Variants in PTPN13 observed in about 807,000 individuals in gnomAD.
The protein encoded by PTPN13 is tyrosine-protein phosphatase non-receptor type 13.
A neutral mutation model predicts 284.0 loss-of-function variants in PTPN13; 191 were observed. The ratio of observed to expected loss-of-function variants is 0.67; its 90% confidence interval spans 0.60 to 0.76. The LOEUF (loss-of-function observed/expected upper bound fraction) is 0.76, where lower values mean the gene tolerates loss of function less well. Ranked by LOEUF, PTPN13 falls within the 30% of genes least tolerant of loss-of-function variation. The pLI, the probability that PTPN13 is intolerant of heterozygous loss-of-function variation, is 0.00. For missense variants in PTPN13, 2,797 were observed against 2,939.9 expected (o/e 0.95, Z 1.12); for synonymous variants, 986 against 1,022.3 (o/e 0.96, Z 0.68).
intron 2 of PTPN13, among the ~76,000 whole-genome samples, chr4:86,641,158 C>G (rs1288368283): frequency 6.6e-6 from 1 of 152,060 alleles, no homozygotes; most frequent in Non-Finnish European, 1.5e-5. Flanking sequence ...ACTCTTGTAA[C>G]GAATTGAAAT....
chr4:86,689,904 T>C (rs996785473), intron 5 of PTPN13: 1 of 568,802 alleles, frequency 1.8e-6, no homozygotes, highest in African/African-American at 1.9e-5. Context: ...AGTCCTGGAG[T>C]GTTGGTCCCT....
At position 86,689,169 on chromosome 4, in the gene PTPN13, G is replaced by C; in HGVS notation, c.525G>C (p.Leu175=). 1 of 1,613,124 alleles carries C rather than the reference G, an allele frequency of 6.2e-7. No homozygotes were observed. Among genetic ancestry groups the C allele is most frequent in the Non-Finnish European group, 8.5e-7 (1 of 1,179,308 alleles). The part of the protein sequence containing the change: ...SFSYVKHLVK[L]VLGNLSGTDQ... ...CCTACGTGAAACACTTGGTAAAACT[G>C]GTTCTGGGAAATCTTTCTGGGGTAA... Residue 175 remains leucine, a synonymous_variant, in exon 5 of 48, where the codon CTG becomes CTC. Coordinates refer to ENST00000411767, the MANE Select transcript of PTPN13 (RefSeq NM_080683.3).
intron 20 of PTPN13, 89 bp downstream of exon 20, chr4:86,753,154 GT>G (rs1737583121): frequency 2.1e-6 from 2 of 939,852 alleles, no homozygotes; most frequent in Non-Finnish European, 3.2e-6. Context: ...AGAGTCTTGA[GT>G]TCCATGCCTA....
intron 10 of PTPN13, among the ~76,000 whole-genome samples, chr4:86,731,245 T>G (rs778547697): frequency 3.9e-5 from 6 of 152,188 alleles, no homozygotes; most frequent in Non-Finnish European, 5.9e-5. Flanking sequence ...TTCTACCTTT[T>G]GCCCATTAAG....
rs199877901 is a variant in PTPN13, at chr4:86,717,076, G to C, written c.1344G>C (p.Gly448=). ...TTGAATCCAGCAGTGGTCTCCCAGG[G>C]GTAGATGAAACCTTAAGTCAAGGCC... ...KRFESSSGLP[G]VDETLSQGQS... Residue 448 remains glycine, a synonymous_variant, in exon 9 of 48, where the codon GGG becomes GGC. Transcript: ENST00000411767. The C allele has an allele frequency of 4.8e-5, 78 of 1,613,092 alleles. 1 individual carries two copies. In the East Asian group the frequency reaches 1.5e-3, roughly 31 times the overall value.
At chr4:86,780,838 T>C (rs1046879525) in intron 36 of PTPN13, among the ~76,000 whole-genome samples, 75 of 152,188 alleles carry the variant, frequency 4.9e-4, no homozygotes, top group African/African-American at 1.8e-3. Flanking sequence ...TCAAAATAAA[T>C]GTTCTGAATT....
chr4:86,706,506 TG>T (rs1477638121), intron 7 of PTPN13, among the ~76,000 whole-genome samples: 1 of 152,144 alleles, frequency 6.6e-6, no homozygotes, highest in Non-Finnish European at 1.5e-5. Flanking sequence ...GGGGTTAAGG[TG>T]GAACTCCATT....
chr4:86,674,750 G>A (rs1339792902), intron 3 of PTPN13, among the ~76,000 whole-genome samples: 1 of 152,180 alleles, frequency 6.6e-6, no homozygotes, highest in Admixed American at 6.5e-5. Context: ...ATGTTACGGA[G>A]TAGATATGGT....
intron 9 of PTPN13, among the ~76,000 whole-genome samples, chr4:86,721,504 G>T (rs1733643738): frequency 6.6e-6 from 1 of 152,012 alleles, no homozygotes; most frequent in Non-Finnish European, 1.5e-5. Flanking sequence ...GAAAAATAAG[G>T]CTACTTAAGG....
intron 1 of PTPN13, among the ~76,000 whole-genome samples, chr4:86,611,813 C>T (rs1238162641): frequency 6.6e-6 from 1 of 152,134 alleles, no homozygotes; most frequent in Non-Finnish European, 1.5e-5. Flanking sequence ...AGAGAAAAAA[C>T]CCTGGAGATC....
intron 2 of PTPN13, among the ~76,000 whole-genome samples, chr4:86,654,647 T>C (rs567207149): frequency 6.6e-6 from 1 of 152,098 alleles, no homozygotes; most frequent in African/African-American, 2.4e-5. Flanking sequence ...TGCTGAGGAG[T>C]GCTTTACTTC....
At position 86,785,259 on chromosome 4, in the gene PTPN13, T is replaced by C; in HGVS notation, c.6147T>C (p.Tyr2049=). ...CTTATATACAAGAAGATGACATTTA[T>C]GATGATTCCCAAGAAGCTGAAGTTA... ...KESYIQEDDI[Y]DDSQEAEVIQ... The change falls in exon 39 of 48, where the codon TAT becomes TAC. Residue 2049 remains tyrosine, a synonymous_variant. Coordinates refer to ENST00000411767, the MANE Select transcript of PTPN13 (RefSeq NM_080683.3). The C allele has an allele frequency of 1.9e-6, 3 of 1,578,382 alleles. No individual in the cohort carries two copies. Among genetic ancestry groups the C allele is most frequent in the Non-Finnish European group, 2.6e-6 (3 of 1,151,254 alleles).
rs144735568 is a variant in PTPN13 at position 86,711,430 on chromosome 4, A to G, written c.1196-5100A>G. Among the ~76,000 whole-genome samples the G allele has an allele frequency of 3.7e-4, 56 of 152,186 alleles. 1 individual carries two copies. The East Asian group carries it at 0.011, about 29-fold the overall frequency. On this transcript the variant is annotated intron_variant, in intron 7 of 47. Transcript: ENST00000411767. ...TGATATAAGTTTTATGTGTTTATGTACATTTATTTACACACACCCTATATG... is the reference window on the plus strand; with the variant it reads ...TGATATAAGTTTTATGTGTTTATGTGCATTTATTTACACACACCCTATATG...
chr4:86,750,986 T>C, intron 18 of PTPN13, 41 bp from the exon 19 acceptor site: 1 of 1,559,772 alleles, frequency 6.4e-7, no homozygotes, highest in South Asian at 1.2e-5. Context: ...CATATTTTTT[T>C]ACATTAACAC....
chr4:86,766,282 A>G (rs1739301571), intron 26 of PTPN13, 150 bp from the exon 27 acceptor site: 2 of 599,906 alleles, frequency 3.3e-6, no homozygotes, highest in Admixed American at 3.3e-5. Flanking sequence ...TGGGGAATAA[A>G]TTAAATAACA....
chr4:86,617,580 C>T (rs975917151), intron 1 of PTPN13, among the ~76,000 whole-genome samples: 3 of 152,114 alleles, frequency 2.0e-5, no homozygotes, highest in African/African-American at 4.8e-5. Flanking sequence ...CCCCCTTCCC[C>T]TTCCAGCATC....
chr4:86,800,582 G>A (rs1743904164), intron 42 of PTPN13, among the ~76,000 whole-genome samples: 1 of 151,970 alleles, frequency 6.6e-6, no homozygotes, highest in Non-Finnish European at 1.5e-5. Flanking sequence ...AACCCCAGAG[G>A]CAGAGGTTGC....
chr4:86,661,185 A>T (rs1324240432), intron 2 of PTPN13: 1 of 410,288 alleles, frequency 2.4e-6, no homozygotes. Flanking sequence ...GCTATGACAT[A>T]TCACACAGAT....
At chr4:86,676,549 GAT>G (rs1204545743) in intron 3 of PTPN13, among the ~76,000 whole-genome samples, 3 of 152,154 alleles carry the variant, frequency 2.0e-5, no homozygotes, top group African/African-American at 7.2e-5. Flanking sequence ...AACTCAAAGA[GAT>G]ATTTGCACAC....
Sources: allele counts gnomAD v4.1 joint callset (sites outside exome capture counted in the v4.1 genomes callset), GRCh38; gene constraint gnomAD v4.1.1; transcripts MANE v1.5; gene names NCBI Gene and HGNC (gene_info 2026-07-23, HGNC 2026-07-21).